DPP9: variants seen among roughly 807,000 people sequenced by gnomAD.
DPP9 encodes dipeptidyl peptidase IV-related protein-2.
DPP9 carries 50 observed loss-of-function variants against 110.7 expected under a neutral mutation model. The ratio of observed to expected loss-of-function variants is 0.45; its 90% CI spans 0.36 to 0.57. The LOEUF (loss-of-function observed/expected upper bound fraction) is 0.57, where lower values mean the gene tolerates loss of function less well. DPP9 is among the 20% of genes least tolerant of loss of function. DPP9 has a pLI of 0.00. For missense variants in DPP9, 1,022 were observed against 1,217.9 expected, an observed-to-expected ratio of 0.84 and a Z score of 2.39; for synonymous variants, 561 against 514.4, an observed-to-expected ratio of 1.09 and a Z score of -1.23.
chr19:4,679,398 C>G, intron 21 of DPP9: 1 of 215,352 alleles, frequency 4.6e-6, no homozygotes, highest in South Asian at 6.5e-5. Flanking sequence ...TCCACTCACT[C>G]TAGCACCCTT....
At chr19:4,677,285 G>C (rs1271891008) in intron 21 of DPP9, among the ~76,000 whole-genome samples, 1 of 152,140 alleles carries the variant, frequency 6.6e-6, no homozygotes, top group Non-Finnish European at 1.5e-5. Context: ...GAGGGCTCTC[G>C]AGGCACTGAC....
rs984757554 is a variant in DPP9, at chr19:4,695,232, C to T, written c.1353+146G>A. ...CCCCCTAGACCCTCTTCCCTGCCAG[C>T]CAGGGATGGCCAAGGCCTGAGCTCA... On this transcript the variant is annotated intron_variant, in intron 12 of 21. Coordinates refer to ENST00000262960, the MANE Select transcript of DPP9 (RefSeq NM_139159.5). This position sits in a 1 kb window ranked among gnomAD's most constrained non-coding sequence, Gnocchi z 4.7. The T allele has an allele frequency of 8.1e-5, 70 of 859,442 alleles. No homozygotes were observed. In the Middle Eastern group the frequency reaches 1.4e-3, roughly 18 times the overall value. 53.2% of individuals were successfully genotyped at this position (859,442 alleles called of 1,614,324 possible).
At position 4,676,705 on chromosome 19, in the gene DPP9, C is replaced by T. The variant is rs1019047750; in HGVS notation, c.2587-49G>A. ...CTGGGGGGCGTGGCCGGACCACCCC[C>T]GTGTCCTAGGCTCCTCCCTTATTCT... On this transcript the variant is annotated intron_variant, in intron 21 of 21. Transcript: ENST00000262960. This position sits in a 1 kb window ranked among gnomAD's most constrained non-coding sequence, Gnocchi z 4.0. 1.4e-6 allele frequency: 2 copies of T among 1,474,730 alleles called. No individual in the cohort carries two copies. Among genetic ancestry groups the T allele is most frequent in the South Asian group, 1.2e-5 (1 of 83,066 alleles). 91.4% of individuals were successfully genotyped at this position (1,474,730 alleles called of 1,614,324 possible).
rs571179068 is a variant in DPP9, at chr19:4,708,870, G to A, written c.314-2900C>T. 1.5e-4 allele frequency among the ~76,000 whole-genome samples: 23 copies of A among 152,276 alleles called. 1 individual carries two copies. The highest frequency in any genetic ancestry group is 5.1e-4 in the African/African-American group (21 of 41,550). ...GAAATAATTTATACAACAAACCCCC[G>A]TGACACAAGTTTACCCAAAGAACAA... On this transcript the variant is annotated intron_variant, in intron 4 of 21. Coordinates refer to ENST00000262960, the MANE Select transcript of DPP9 (RefSeq NM_139159.5).
intron 13 of DPP9, 24 bp from the exon 14 acceptor site, chr19:4,690,981 G>C: frequency 6.3e-7 from 1 of 1,591,398 alleles, no homozygotes; most frequent in Non-Finnish European, 8.6e-7. Context: ...AAGAAGGGAG[G>C]TGAAGGGGCC....
At position 4,679,931 on chromosome 19, in the gene DPP9, A is replaced by T; in HGVS notation, c.2490T>A (p.Leu830=). 2 of 1,612,814 alleles carry T rather than the reference A, an allele frequency of 1.2e-6. No homozygotes were observed. The highest frequency in any genetic ancestry group is 1.7e-6 in the Non-Finnish European group (2 of 1,179,558). The change falls in exon 21 of 22, where the codon CTT becomes CTA. Residue 830 remains leucine, a synonymous_variant. Coordinates refer to ENST00000262960, the MANE Select transcript of DPP9 (RefSeq NM_139159.5). ...EKLPNEPNRL[L]ILHGFLDENV... ...TTTCGTCCAGGAAGCCGTGGAGGAT[A>T]AGCAAGCGGTTGGGCCTGGAAAACA...
In DPP9 at chr19:4,690,893, C is replaced by T. The variant is rs1284104492; in HGVS notation, c.1581G>A (p.Ala527=). ...ACCCTGGTACCTTGGAGCCGTGCCT[C>T]GCCAAAACCTCCCATTCACCGCTGG... ...ALTSGEWEVL[A]RHGSKIWVNE... is the part of the protein sequence containing the mutation. Residue 527 remains alanine (A), a synonymous_variant, in exon 14 of 22, where the codon GCG becomes GCA. Transcript: ENST00000262960. The T allele has an allele frequency of 8.1e-6, 13 of 1,612,850 alleles. No homozygotes were observed. Among genetic ancestry groups the T allele is most frequent in the African/African-American group, 1.3e-5 (1 of 74,880 alleles).
chr19:4,714,095 C>T lies in DPP9; in HGVS notation c.299G>A (p.Arg100His), dbSNP rs1399825957. The change falls in exon 4 of 22, where the codon CGC becomes CAC. Residue 100 changes from arginine (R) to histidine (H), a missense_variant. Coordinates refer to ENST00000262960, the MANE Select transcript of DPP9 (RefSeq NM_139159.5). The part of the protein sequence containing the change: ...KTDESGPHSH[R>H]LYYLGMPYGS... Reference sequence around the variant, plus strand: ...GCCCGGCTTACCCAGGTAGTAGAGGCGGTGGGAGTGGGGCCCAGACTCATC... The same window carrying T: ...GCCCGGCTTACCCAGGTAGTAGAGGTGGTGGGAGTGGGGCCCAGACTCATC... 8 of 1,610,442 alleles carry T rather than the reference C, an allele frequency of 5.0e-6. No individual in the cohort carries two copies. The highest frequency in any genetic ancestry group is 2.7e-5 in the African/African-American group (2 of 74,894).
chr19:4,715,683 G>C (rs1287290142), intron 3 of DPP9: 1 of 152,258 alleles, frequency 6.6e-6, no homozygotes, highest in African/African-American at 2.4e-5. Context: ...TTGGCTTGCT[G>C]TCCAGCCGGG....
At chr19:4,696,407 C>G (rs1055560216) in intron 11 of DPP9, among the ~76,000 whole-genome samples, 2 of 151,420 alleles carry the variant, frequency 1.3e-5, no homozygotes, top group Non-Finnish European at 2.9e-5. Flanking sequence ...GTCGCTTGAG[C>G]CCAGAAGTTC....
intron 21 of DPP9, 144 bp downstream of exon 21, chr19:4,679,691 A>G (rs1599856881): frequency 1.6e-6 from 1 of 626,750 alleles, no homozygotes; most frequent in Non-Finnish European, 2.8e-6. Context: ...GCGGGGACAC[A>G]GGGCTGTGGG....
At chr19:4,679,802 G>T in intron 21 of DPP9, 33 bp downstream of exon 21, 2 of 1,473,264 alleles carry the variant, frequency 1.4e-6, no homozygotes, top group Non-Finnish European at 1.8e-6. Context: ...CTGTCGGCTC[G>T]CGGAGGGGCC....
chr19:4,722,319 G>A (rs2093358200), intron 2 of DPP9, 180 bp downstream of exon 2: 1 of 585,744 alleles, frequency 1.7e-6, no homozygotes, highest in East Asian at 2.9e-5. Context: ...AGGGGGACAG[G>A]GGTGGAAAGA....
At chr19:4,701,039 G>A (rs534303390) in intron 9 of DPP9, among the ~76,000 whole-genome samples, 20 of 152,328 alleles carry the variant, frequency 1.3e-4, no homozygotes, top group African/African-American at 4.8e-4. Context: ...GCAGGCACTC[G>A]CGGAGTATGG....
At chr19:4,686,759 G>A (rs1330011967) in intron 16 of DPP9, among the ~76,000 whole-genome samples, 1 of 152,162 alleles carries the variant, frequency 6.6e-6, no homozygotes, top group Non-Finnish European at 1.5e-5. Flanking sequence ...GCAATTTATA[G>A]GAAGGTGAGT....
chr19:4,723,162 T>A (rs993839819), intron 1 of DPP9, among the ~76,000 whole-genome samples: 10 of 151,950 alleles, frequency 6.6e-5, no homozygotes, highest in African/African-American at 2.4e-4. Flanking sequence ...CAGGACTGGA[T>A]TGGGGAGACC....
chr19:4,688,162 G>A (rs2090970743), intron 16 of DPP9: 1 of 152,160 alleles, frequency 6.6e-6, no homozygotes, highest in Admixed American at 6.6e-5. Context: ...AGGCTGAAGT[G>A]CAGTGGTACA....
chr19:4,700,310 A>G lies in DPP9; in HGVS notation c.1013-33T>C. On this transcript the variant is annotated intron_variant, in intron 9 of 21. Coordinates refer to ENST00000262960, the MANE Select transcript of DPP9 (RefSeq NM_139159.5). The surrounding 1 kb of genome is among the most constrained non-coding windows in gnomAD (Gnocchi z 4.3). Reference sequence around the variant, plus strand: ...AACCGAAGTGAGGTGAACACCAGGCAGGCATCACCCGTGTGTGCCGAGAGC... The same window carrying G: ...AACCGAAGTGAGGTGAACACCAGGCGGGCATCACCCGTGTGTGCCGAGAGC... The G allele has an allele frequency of 6.3e-7, 1 of 1,578,752 alleles. No individual in the cohort carries two copies.
intron 2 of DPP9, 50 bp downstream of exon 2, chr19:4,722,449 A>G (rs1599968904): frequency 1.4e-6 from 1 of 700,474 alleles, no homozygotes; most frequent in Non-Finnish European, 2.6e-6. Flanking sequence ...AAGGAATCCC[A>G]CCAGCCCACA....
Sources: gnomAD v4.1 joint callset for allele counts (sites outside exome capture counted in the v4.1 genomes callset) on GRCh38, gnomAD v4.1.1 for gene constraint, Gnocchi (gnomAD v3.1) non-coding constraint, MANE v1.5 for transcripts, NCBI Gene and HGNC (gene_info 2026-07-23, HGNC 2026-07-21) for gene names.